LAMP3: variants seen among roughly 807,000 people sequenced by gnomAD.
LAMP3 encodes lysosome associated membrane protein 3.
Under a neutral mutation model 34.8 loss-of-function variants are expected in LAMP3, and 26 were observed. That is an observed-to-expected ratio of 0.75 (90% CI 0.55 to 1.04). The LOEUF is 1.04. LAMP3 is among the 50% of genes least tolerant of loss of function. LAMP3 has a pLI of 0.00. For synonymous variants in LAMP3, 180 were observed against 201.9 expected (o/e 0.89, Z 0.92); for missense variants, 495 against 524.0 (o/e 0.94, Z 0.54).
intron 5 of LAMP3, chr3:183,131,804 A>G (rs569769400): frequency 4.5e-5 from 24 of 533,954 alleles, no homozygotes; most frequent in Non-Finnish European, 5.5e-5. Context: ...AATTAAGAAC[A>G]TACCTCTCCT....
In LAMP3 at chr3:183,148,744, T is replaced by C. The variant is rs1342630331; in HGVS notation, c.888+3631A>G. ...AAAGGGAACCCTCATACACTGCTGG[T>C]GAGAATGTAAATTAGTAGAACCAAG... is the stretch of plus-strand genomic sequence containing the variant. On this transcript the variant is annotated intron_variant, in intron 3 of 5. Transcript: ENST00000265598. Among the ~76,000 whole-genome samples the C allele has an allele frequency of 2.6e-5, 4 of 152,120 alleles. No homozygotes were observed. The East Asian group carries it at 5.8e-4, about 22-fold the overall frequency.
intron 5 of LAMP3, 40 bp from the exon 6 acceptor site, chr3:183,124,254 G>A (rs1445715325): frequency 6.7e-7 from 1 of 1,484,040 alleles, no homozygotes; most frequent in African/African-American, 1.5e-5. Flanking sequence ...GGTAAGGTTT[G>A]GTGATGCAGT....
chr3:183,159,729 C>T (rs565839106), intron 1 of LAMP3, among the ~76,000 whole-genome samples: 1 of 152,354 alleles, frequency 6.6e-6, no homozygotes, highest in East Asian at 1.9e-4. Context: ...CAGCTGAGCA[C>T]TTGTTGCCTG....
chr3:183,163,102 CAT>C (rs1301313949), upstream of LAMP3, among the ~76,000 whole-genome samples: 32 of 151,918 alleles, frequency 2.1e-4, no homozygotes, highest in Non-Finnish European at 3.5e-4. Context: ...GGATTACAGG[CAT>C]GCACCACCAC....
chr3:183,132,271 G>T (rs1719947135), intron 5 of LAMP3: 1 of 936,996 alleles, frequency 1.1e-6, no homozygotes, highest in Non-Finnish European at 1.3e-6. Flanking sequence ...CATTACAATA[G>T]AGTAGGATAT....
At chr3:183,126,234 A>G (rs1205158913) in intron 5 of LAMP3, among the ~76,000 whole-genome samples, 2 of 146,168 alleles carry the variant, frequency 1.4e-5, no homozygotes, top group African/African-American at 5.1e-5. Flanking sequence ...AGAACGTGGT[A>G]GGTCTCGGTG....
intron 5 of LAMP3, among the ~76,000 whole-genome samples, chr3:183,124,725 G>A (rs1329470937): frequency 6.6e-6 from 1 of 152,106 alleles, no homozygotes; most frequent in Non-Finnish European, 1.5e-5. Flanking sequence ...CCAGCTACTC[G>A]GGAGGCTGAG....
chr3:183,156,436 G>A (rs551532235), intron 1 of LAMP3, among the ~76,000 whole-genome samples: 10 of 152,226 alleles, frequency 6.6e-5, no homozygotes, highest in Admixed American at 2.6e-4. Flanking sequence ...AGATGCCTGC[G>A]TCCCTTCAAT....
chr3:183,155,537 A>G (rs886876041), intron 1 of LAMP3, among the ~76,000 whole-genome samples: 3 of 152,216 alleles, frequency 2.0e-5, no homozygotes, highest in African/African-American at 7.2e-5. Flanking sequence ...ATAGTTCCCC[A>G]TATCCATGAT....
At chr3:183,133,291 G>T (rs1719982177) in intron 5 of LAMP3, among the ~76,000 whole-genome samples, 1 of 152,180 alleles carries the variant, frequency 6.6e-6, no homozygotes, top group South Asian at 2.1e-4. Flanking sequence ...GTTTGGCCTA[G>T]AGGGTTGTGA....
At chr3:183,132,402 G>A (rs557260515) in intron 5 of LAMP3, 3 of 973,352 alleles carry the variant, frequency 3.1e-6, no homozygotes, top group African/African-American at 3.5e-5. Context: ...TTTTTTTAAA[G>A]TAATGTTTTT....
Position 183,152,384 on chromosome 3 carries a change from T to C in LAMP3, c.879A>G (p.Thr293=). The change falls in exon 3 of 6, where the codon ACA becomes ACG. Residue 293 remains threonine (T), a synonymous_variant. Transcript: ENST00000265598. ...GGAGCTCAGGCCTCACCTTGGTAAA[T>C]GTGAGATTCACAAATCCGCCCTGAA... is the stretch of plus-strand genomic sequence containing the variant. ...LNFQGGFVNL[T]FTKDEESYYI... is the part of the protein sequence containing the mutation. 6.2e-7 allele frequency: 1 copy of C among 1,610,628 alleles called. No homozygotes were observed.
At chr3:183,142,889 C>T (rs764236668) in intron 3 of LAMP3, among the ~76,000 whole-genome samples, 1 of 152,126 alleles carries the variant, frequency 6.6e-6, no homozygotes, top group Non-Finnish European at 1.5e-5. Context: ...ACAGGCAGAA[C>T]ACCTGTGAAC....
At chr3:183,142,534 C>T (rs529869273) in intron 3 of LAMP3, among the ~76,000 whole-genome samples, 24 of 152,088 alleles carry the variant, frequency 1.6e-4, no homozygotes, top group African/African-American at 5.1e-4. Context: ...GAGACAGAAT[C>T]GATATTAACA....
chr3:183,138,586 G>A (rs757097539), intron 4 of LAMP3, among the ~76,000 whole-genome samples: 3 of 152,328 alleles, frequency 2.0e-5, no homozygotes, highest in South Asian at 4.1e-4. Flanking sequence ...TCTTGTGTGA[G>A]TGGGAGCTTT....
At position 183,123,084 on chromosome 3, in the gene LAMP3, C is replaced by T. The variant is rs1211846178; in HGVS notation, c.*997G>A. On this transcript the variant is annotated 3_prime_UTR_variant, in exon 6 of 6. Transcript: ENST00000265598. ...TGGCACTTTGTTAATAATTAAGGGC[C>T]ATTATTATTGTCTCTTGCTTATTGT... 6.6e-6 allele frequency: 1 copy of T among 152,178 alleles called. No homozygotes were observed. The highest frequency in any genetic ancestry group is 1.5e-5 in the Non-Finnish European group (1 of 68,030). The allele number at this position is 152,178 out of a possible 1,614,324, so 9.4% of individuals were successfully genotyped here.
chr3:183,162,669 C>A lies in LAMP3; in HGVS notation c.-14G>T. On this transcript the variant is annotated 5_prime_UTR_variant, in exon 1 of 6. Coordinates refer to ENST00000265598, the MANE Select transcript of LAMP3 (RefSeq NM_014398.4). ...CTGCCGGGGCATGGTGGGCGCTGGG[C>A]GAGGTTCTGCAGCGTGCGGCGAAGT... 1.3e-6 allele frequency: 2 copies of A among 1,533,110 alleles called. No homozygotes were observed. Among genetic ancestry groups the A allele is most frequent in the Non-Finnish European group, 1.8e-6 (2 of 1,142,286 alleles). The allele number at this position is 1,533,110 out of a possible 1,614,324, so 95.0% of individuals were successfully genotyped here.
Position 183,124,210 on chromosome 3 carries a change from A to C in LAMP3, c.1122T>G (p.Asp374Glu). 6.3e-7 allele frequency: 1 copy of C among 1,580,764 alleles called. No individual in the cohort carries two copies. The highest frequency in any genetic ancestry group is 8.6e-7 in the Non-Finnish European group (1 of 1,167,234). ...CAATTGTGTAGTCAGACGAGCACTCATCCACTAAGAGAGAAAACAAATACA... is the reference window on the plus strand; with the variant it reads ...CAATTGTGTAGTCAGACGAGCACTCCTCCACTAAGAGAGAAAACAAATACA... ...DFEDDHFGNVDECSSDYTIVL... is the reference protein window; with the variant it reads ...DFEDDHFGNVEECSSDYTIVL... Residue 374 changes from aspartate (D) to glutamate (E), a missense_variant, in exon 6 of 6, where the codon GAT becomes GAG. By Grantham distance (45) the Asp-to-Glu change is conservative. Transcript: ENST00000265598.
chr3:183,135,795 A>G lies in LAMP3; in HGVS notation c.1039T>C (p.Leu347=), dbSNP rs759591378. 1.9e-6 allele frequency: 3 copies of G among 1,614,026 alleles called. No homozygotes were observed. The highest frequency in any genetic ancestry group is 1.1e-5 in the South Asian group (1 of 91,088). Residue 347 remains leucine (L), a synonymous_variant, in exon 5 of 6, where the codon TTG becomes CTG. Transcript: ENST00000265598. ...GTTTTCACCTGCAGGTGGGCTGACA[A>G]CTGGAGGCTCTGTTCACTCACGCAC... ...FKCVSEQSLQ[L]SAHLQVKTTD...
Sources: allele counts gnomAD v4.1 joint callset (sites outside exome capture counted in the v4.1 genomes callset), GRCh38; gene constraint gnomAD v4.1.1; transcripts MANE v1.5; gene names NCBI Gene and HGNC (gene_info 2026-07-23, HGNC 2026-07-21).